The following GALNTL6 variants were observed in gnomAD, a reference collection of about 807,000 sequenced individuals.
The protein encoded by GALNTL6 is polypeptide N-acetylgalactosaminyltransferase-like 6.
Under a neutral mutation model 73.7 loss-of-function variants are expected in GALNTL6, and 46 were observed. The observed-to-expected ratio is 0.62, with a 90% CI of 0.49 to 0.80. GALNTL6 has a LOEUF of 0.80. Ranked by LOEUF, GALNTL6 falls within the 30% of genes least tolerant of loss-of-function variation. The pLI is 0.00. For missense variants in GALNTL6, 604 were observed against 755.0 expected (o/e 0.80, Z 2.34); for synonymous variants, 259 against 263.7 (o/e 0.98, Z 0.17).
intron 7 of GALNTL6, among the ~76,000 whole-genome samples, chr4:172,841,298 A>G (rs537279983): frequency 2.0e-5 from 3 of 152,318 alleles, no homozygotes; most frequent in South Asian, 4.1e-4. Context: ...CACTATTTCA[A>G]GTGTTCCGTG....
intron 5 of GALNTL6, among the ~76,000 whole-genome samples, chr4:172,670,837 G>A (rs1003125973): frequency 6.6e-6 from 1 of 152,142 alleles, no homozygotes; most frequent in Non-Finnish European, 1.5e-5. Context: ...TCTGGTGTAA[G>A]GAAGGGGTCT....
intron 2 of GALNTL6, among the ~76,000 whole-genome samples, chr4:172,180,045 A>G (rs1181296849): frequency 1.3e-5 from 2 of 152,218 alleles, no homozygotes; most frequent in African/African-American, 4.8e-5. Flanking sequence ...TGGTTGAACT[A>G]ATTTACACTC....
At chr4:172,661,430 C>T (rs1474811214) in intron 5 of GALNTL6, among the ~76,000 whole-genome samples, 1 of 151,982 alleles carries the variant, frequency 6.6e-6, no homozygotes, top group Non-Finnish European at 1.5e-5. Context: ...ACTGTTTGTT[C>T]TGTTTCTCTG....
intron 9 of GALNTL6, among the ~76,000 whole-genome samples, chr4:172,945,861 C>A (rs761394741): frequency 1.2e-4 from 18 of 152,078 alleles, no homozygotes; most frequent in Non-Finnish European, 2.1e-4. Flanking sequence ...TTGGGGCTGC[C>A]TTAAAGACAA....
At chr4:171,849,734 G>C (rs921925197) in intron 2 of GALNTL6, among the ~76,000 whole-genome samples, 2 of 151,938 alleles carry the variant, frequency 1.3e-5, no homozygotes, top group African/African-American at 4.8e-5. Context: ...ATTTTTTCTC[G>C]TAAAGGAAGA....
rs369903897 is a variant in GALNTL6 at position 172,403,013 on chromosome 4, C to T, written c.553+54324C>T. On this transcript the variant is annotated intron_variant, in intron 5 of 12. Coordinates refer to ENST00000506823, the MANE Select transcript of GALNTL6 (RefSeq NM_001034845.3). ...AATTCTCTAAAGATCTTGATTAGTC[C>T]GTATCTTCACATAATTTGTAGAAAG... Among the ~76,000 whole-genome samples, 347 of 152,018 alleles carry T rather than the reference C, an allele frequency of 2.3e-3. 2 individuals carry two copies. Among genetic ancestry groups the T allele is most frequent in the African/African-American group, 7.7e-3 (321 of 41,472 alleles).
At chr4:172,562,966 T>C (rs1465383154) in intron 5 of GALNTL6, among the ~76,000 whole-genome samples, 1 of 152,208 alleles carries the variant, frequency 6.6e-6, no homozygotes, top group African/African-American at 2.4e-5. Context: ...CCACTGTCCA[T>C]TTTGTGCTCC....
At chr4:172,773,064 A>G in intron 5 of GALNTL6, among the ~76,000 whole-genome samples, 1 of 152,246 alleles carries the variant, frequency 6.6e-6, no homozygotes, top group South Asian at 2.1e-4. Flanking sequence ...TCTGCAAAGA[A>G]ACAAGTTGGT....
intron 2 of GALNTL6, among the ~76,000 whole-genome samples, chr4:172,063,077 G>A (rs567974511): frequency 2.0e-5 from 3 of 152,242 alleles, no homozygotes; most frequent in Non-Finnish European, 2.9e-5. Flanking sequence ...GTTCTTGAGC[G>A]GCCAAAATTT....
At chr4:172,755,076 C>A (rs1266734002) in intron 5 of GALNTL6, among the ~76,000 whole-genome samples, 1 of 152,058 alleles carries the variant, frequency 6.6e-6, no homozygotes, top group Non-Finnish European at 1.5e-5. Context: ...CTTACTAATA[C>A]TATTTTTATT....
At chr4:172,830,914 C>A (rs1014143031) in intron 7 of GALNTL6, among the ~76,000 whole-genome samples, 1 of 152,144 alleles carries the variant, frequency 6.6e-6, no homozygotes, top group South Asian at 2.1e-4. Flanking sequence ...AATCCCAACA[C>A]TTTGAGAGGC....
At chr4:171,893,875 G>C (rs1333494712) in intron 2 of GALNTL6, among the ~76,000 whole-genome samples, 2 of 152,116 alleles carry the variant, frequency 1.3e-5, no homozygotes, top group Non-Finnish European at 2.9e-5. Context: ...ATAGCCAAGA[G>C]AGAAGGCTGT....
chr4:171,928,145 G>A (rs978288566), intron 2 of GALNTL6, among the ~76,000 whole-genome samples: 3 of 152,122 alleles, frequency 2.0e-5, no homozygotes, highest in Admixed American at 6.6e-5. Flanking sequence ...TGTTATTGGA[G>A]AATAAAACCA....
intron 5 of GALNTL6, among the ~76,000 whole-genome samples, chr4:172,423,086 T>C (rs1294018948): frequency 6.6e-6 from 1 of 151,868 alleles, no homozygotes; most frequent in African/African-American, 2.4e-5. Context: ...CAGTTTGGTT[T>C]CTAGCATTTT....
chr4:172,156,128 G>A (rs1418927034), intron 2 of GALNTL6, among the ~76,000 whole-genome samples: 1 of 152,002 alleles, frequency 6.6e-6, no homozygotes, highest in Non-Finnish European at 1.5e-5. Context: ...TGAGGACGGG[G>A]CAGGGGTTTT....
intron 5 of GALNTL6, among the ~76,000 whole-genome samples, chr4:172,409,494 ATTAG>A (rs1157923495): frequency 3.3e-5 from 5 of 152,040 alleles, no homozygotes; most frequent in Non-Finnish European, 7.4e-5. Flanking sequence ...AGTATTGCCT[ATTAG>A]TTGGTACTTG....
chr4:171,825,315 G>A (rs966528142), intron 2 of GALNTL6, among the ~76,000 whole-genome samples: 1 of 152,128 alleles, frequency 6.6e-6, no homozygotes, highest in African/African-American at 2.4e-5. Context: ...CTCTTCTAGT[G>A]CTTCCAAGAA....
chr4:173,007,437 T>C (rs1335395208), intron 10 of GALNTL6, among the ~76,000 whole-genome samples: 1 of 152,176 alleles, frequency 6.6e-6, no homozygotes, highest in Non-Finnish European at 1.5e-5. Flanking sequence ...TAGCAAACTA[T>C]CAAGAATATC....
intron 2 of GALNTL6, among the ~76,000 whole-genome samples, chr4:171,926,312 T>C (rs528212952): frequency 6.6e-6 from 1 of 152,286 alleles, no homozygotes; most frequent in South Asian, 2.1e-4. Context: ...TCACTGAACA[T>C]ATATGTATAC....
Sources: gnomAD v4.1 joint callset for allele counts (sites outside exome capture counted in the v4.1 genomes callset) on GRCh38, gnomAD v4.1.1 for gene constraint, MANE v1.5 for transcripts, NCBI Gene and HGNC (gene_info 2026-07-23, HGNC 2026-07-21) for gene names.